C12orf42: variants seen among roughly 807,000 people sequenced by gnomAD.
C12orf42 encodes the protein chromosome 12 open reading frame 42.
A neutral mutation model predicts 21.6 loss-of-function variants in C12orf42; 25 were observed. That is an observed-to-expected ratio of 1.16 (90% CI 0.84 to 1.62). C12orf42 has a LOEUF of 1.62. C12orf42 is among the 40% of genes most tolerant of loss of function. C12orf42 has a pLI of 0.00. For missense variants in C12orf42, 483 were observed against 459.3 expected, an observed-to-expected ratio of 1.05 and a Z score of -0.47; for synonymous variants, 174 against 175.0, an observed-to-expected ratio of 0.99 and a Z score of 0.05.
At position 103,302,551 on chromosome 12, in the gene C12orf42, C is replaced by G. The variant is rs369075296; in HGVS notation, c.640G>C (p.Ala214Pro). Reference sequence around the variant, plus strand: ...AGGCCGATGGCAGTGGAAGGTCTGGCGGCAGAACCTGGAAGGCAAAGCAGG... The same window carrying G: ...AGGCCGATGGCAGTGGAAGGTCTGGGGGCAGAACCTGGAAGGCAAAGCAGG... ...SSPKKNSGSA[A>P]RPSTAIGLCR... The change falls in exon 6 of 6, where the codon GCC becomes CCC. Residue 214 changes from alanine to proline, a missense_variant. Ala to Pro is a conservative substitution (Grantham distance 27). Coordinates refer to ENST00000548883, the MANE Select transcript of C12orf42 (RefSeq NM_198521.5). 3.1e-6 allele frequency: 5 copies of G among 1,605,186 alleles called. No individual in the cohort carries two copies. Among genetic ancestry groups the G allele is most frequent in the Non-Finnish European group, 4.3e-6 (5 of 1,176,180 alleles).
chr12:103,355,459 G>A (rs996025413), intron 4 of C12orf42, among the ~76,000 whole-genome samples: 1 of 152,132 alleles, frequency 6.6e-6, no homozygotes, highest in African/African-American at 2.4e-5. Context: ...CCGCCCATCT[G>A]AAAGGAAGAT....
At chr12:103,443,972 C>A (rs1951422722) in intron 2 of C12orf42, among the ~76,000 whole-genome samples, 1 of 151,960 alleles carries the variant, frequency 6.6e-6, no homozygotes, top group African/African-American at 2.4e-5. Context: ...TTTCTAAAAC[C>A]TGTATTTATC....
At chr12:103,251,877 A>C (rs2034322430) in intron 10 of C12orf42, among the ~76,000 whole-genome samples, 1 of 152,158 alleles carries the variant, frequency 6.6e-6, no homozygotes, top group Admixed American at 6.6e-5. Context: ...AAAAATATAA[A>C]TTTTCTTAAC....
At chr12:103,262,013 A>C (rs147994292) in intron 10 of C12orf42, among the ~76,000 whole-genome samples, 40 of 152,358 alleles carry the variant, frequency 2.6e-4, no homozygotes, top group Middle Eastern at 6.8e-3. Flanking sequence ...TTGCTCTGTC[A>C]TGAGTTATTT....
At chr12:103,182,781 T>G in the C12orf42 span, among the ~76,000 whole-genome samples, 1 of 152,366 alleles carries the variant, frequency 6.6e-6, no homozygotes, top group African/African-American at 2.4e-5. Context: ...CTGTTGTTTC[T>G]TACTGCTGAT....
At chr12:103,520,940 T>C in the C12orf42 span, among the ~76,000 whole-genome samples, 51 of 152,342 alleles carry the variant, frequency 3.3e-4, no homozygotes, top group African/African-American at 1.2e-3. Context: ...CAGAAGGAAT[T>C]AGTCATTCCC....
chr12:103,218,097 A>G, the C12orf42 span, among the ~76,000 whole-genome samples: 1 of 152,098 alleles, frequency 6.6e-6, no homozygotes, highest in African/African-American at 2.4e-5. Flanking sequence ...CCTGGCCAAC[A>G]TGGCAAAACC....
the C12orf42 span, among the ~76,000 whole-genome samples, chr12:103,159,304 T>C: frequency 6.6e-6 from 1 of 152,216 alleles, no homozygotes; most frequent in Non-Finnish European, 1.5e-5. Context: ...GTGGTGCATG[T>C]CTACAGAGGC....
chr12:103,424,355 G>C (rs1949623048), intron 2 of C12orf42, among the ~76,000 whole-genome samples: 1 of 152,178 alleles, frequency 6.6e-6, no homozygotes, highest in African/African-American at 2.4e-5. Context: ...GAAAATTACT[G>C]GGTATAAAAA....
chr12:103,489,339 C>A (rs1000099679), intron 1 of C12orf42, among the ~76,000 whole-genome samples: 1 of 152,178 alleles, frequency 6.6e-6, no homozygotes, highest in Admixed American at 6.5e-5. Context: ...CCCAGAGGGG[C>A]ACCCACCTGT....
At chr12:103,436,242 C>T (rs1323298072) in intron 2 of C12orf42, among the ~76,000 whole-genome samples, 1 of 150,370 alleles carries the variant, frequency 6.7e-6, no homozygotes, top group Non-Finnish European at 1.5e-5. Flanking sequence ...AAAAGAGCTC[C>T]TGAAGGAAGC....
the C12orf42 span, among the ~76,000 whole-genome samples, chr12:103,215,551 CTCTTT>C: frequency 0.35 from 53,641 of 151,752 alleles, 10,387 homozygotes; most frequent in South Asian, 0.44. Flanking sequence ...AAGATTTATT[CTCTTT>C]TCATCTCTCT....
intron 2 of C12orf42, among the ~76,000 whole-genome samples, chr12:103,417,088 T>G (rs1333039846): frequency 1.3e-5 from 2 of 152,218 alleles, no homozygotes; most frequent in Non-Finnish European, 2.9e-5. Flanking sequence ...ACATAAATTA[T>G]TCTCTTCAAT....
the C12orf42 span, among the ~76,000 whole-genome samples, chr12:103,054,314 T>C: frequency 6.6e-6 from 1 of 151,902 alleles, no homozygotes; most frequent in East Asian, 1.9e-4. Context: ...ATTTGATTCA[T>C]CCTTAAGTAT....
intron 4 of C12orf42, among the ~76,000 whole-genome samples, chr12:103,334,808 A>G (rs1477609482): frequency 6.6e-6 from 1 of 152,234 alleles, no homozygotes; most frequent in Non-Finnish European, 1.5e-5. Context: ...CATATGGCGA[A>G]TAATTAGTTT....
chr12:103,361,538 G>T (rs1231222534), intron 4 of C12orf42, among the ~76,000 whole-genome samples: 1 of 152,094 alleles, frequency 6.6e-6, no homozygotes, highest in East Asian at 1.9e-4. Context: ...GAACTCAGAG[G>T]AGGGGAATCC....
the C12orf42 span, among the ~76,000 whole-genome samples, chr12:103,131,817 G>A: frequency 1.3e-5 from 2 of 152,134 alleles, no homozygotes; most frequent in African/African-American, 4.8e-5. Context: ...TTGGGTAAGA[G>A]TGATGTTAGT....
At chr12:103,351,026 C>G (rs1216487559) in intron 4 of C12orf42, among the ~76,000 whole-genome samples, 1 of 152,082 alleles carries the variant, frequency 6.6e-6, no homozygotes, top group Non-Finnish European at 1.5e-5. Context: ...CTTATAGTCC[C>G]TTTCACAATC....
the C12orf42 span, among the ~76,000 whole-genome samples, chr12:103,159,835 G>T: frequency 6.6e-6 from 1 of 152,188 alleles, no homozygotes; most frequent in Admixed American, 6.5e-5. Flanking sequence ...CTCTTAGTTA[G>T]TGCATGCTTA....
Sources: allele counts gnomAD v4.1 joint callset (sites outside exome capture counted in the v4.1 genomes callset), GRCh38; gene constraint gnomAD v4.1.1; transcripts MANE v1.5; gene names NCBI Gene and HGNC (gene_info 2026-07-23, HGNC 2026-07-21).